The following PJA2 variants were observed in gnomAD, a reference collection of about 807,000 sequenced individuals.
The protein encoded by PJA2 is praja ring finger ubiquitin ligase 2.
A neutral mutation model predicts 69.3 loss-of-function variants in PJA2; 25 were observed. The ratio of observed to expected loss-of-function variants is 0.36; its 90% CI spans 0.26 to 0.50. The LOEUF is 0.50. Among genes scored for constraint, PJA2 ranks in the 20% least tolerant of loss-of-function variants. The pLI is 0.96. For missense variants in PJA2, 809 were observed against 830.2 expected, an observed-to-expected ratio of 0.97 and a Z score of 0.31; for synonymous variants, 308 against 277.8, an observed-to-expected ratio of 1.11 and a Z score of -1.08.
At chr5:109,409,387 T>C (rs533021805) in intron 1 of PJA2, 3 of 152,598 alleles carry the variant, frequency 2.0e-5, no homozygotes, top group South Asian at 2.1e-4. Context: ...TGGCGTAAGA[T>C]GGTTCCGCTC....
intron 1 of PJA2, among the ~76,000 whole-genome samples, chr5:109,387,780 C>T (rs1747191868): frequency 2.0e-5 from 3 of 151,890 alleles, no homozygotes; most frequent in Admixed American, 2.0e-4. Flanking sequence ...AGAACATGGA[C>T]ATGTAAGGTA....
chr5:109,368,574 A>G lies in PJA2; in HGVS notation c.1456T>C (p.Ser486Pro), dbSNP rs768668980. ...TGTTGAACATACCCTTCCTGAAGAG[A>G]TAATTCTTGGTTTTCTTCTTCAGGG... Reference protein sequence around the residue: ...SGPEEENQELSLQEGEQTSLE... With the variant: ...SGPEEENQELPLQEGEQTSLE... The change falls in exon 5 of 10, where the codon TCT becomes CCT. Residue 486 changes from serine to proline, a missense_variant. Ser to Pro is a moderately conservative substitution (Grantham distance 74). Coordinates refer to ENST00000361189, the MANE Select transcript of PJA2 (RefSeq NM_014819.5). The G allele has an allele frequency of 3.7e-6, 6 of 1,613,442 alleles. No individual in the cohort carries two copies. The highest frequency in any genetic ancestry group is 2.2e-5 in the East Asian group (1 of 44,866).
At chr5:109,372,645 C>T (rs1189846547) in intron 4 of PJA2, among the ~76,000 whole-genome samples, 1 of 152,026 alleles carries the variant, frequency 6.6e-6, no homozygotes, top group East Asian at 1.9e-4. Context: ...GTGGCTCATG[C>T]CTGTAATCCC....
chr5:109,363,851 G>GA (rs933974689), intron 5 of PJA2, among the ~76,000 whole-genome samples: 13 of 151,892 alleles, frequency 8.6e-5, no homozygotes, highest in African/African-American at 3.1e-4. Flanking sequence ...AAAACAGGAA[G>GA]AAAAAAAAGG....
intron 9 of PJA2, among the ~76,000 whole-genome samples, chr5:109,338,649 A>T (rs1482175716): frequency 5.3e-5 from 8 of 152,026 alleles, no homozygotes; most frequent in Admixed American, 5.2e-4. Flanking sequence ...AAAAAAAAAA[A>T]AAAAAAAAAA....
At chr5:109,396,825 C>A in intron 1 of PJA2, among the ~76,000 whole-genome samples, 1 of 148,436 alleles carries the variant, frequency 6.7e-6, no homozygotes, top group African/African-American at 2.5e-5. Context: ...ATAACCGATA[C>A]CAATGAAACT....
chr5:109,405,931 AAAC>A (rs1442742647), intron 1 of PJA2, among the ~76,000 whole-genome samples: 2 of 152,176 alleles, frequency 1.3e-5, no homozygotes, highest in East Asian at 3.8e-4. Context: ...AATAAAAAAA[AAAC>A]AAGCTTCAGA....
intron 9 of PJA2, among the ~76,000 whole-genome samples, chr5:109,340,411 G>C (rs1012657609): frequency 6.6e-6 from 1 of 151,570 alleles, no homozygotes; most frequent in Non-Finnish European, 1.5e-5. Flanking sequence ...GGAAAGGAAT[G>C]GGAAAAGGGA....
intron 7 of PJA2, among the ~76,000 whole-genome samples, chr5:109,349,761 T>C (rs184209943): frequency 6.6e-6 from 1 of 152,188 alleles, no homozygotes; most frequent in Admixed American, 6.5e-5. Context: ...CTGCTCCTTA[T>C]ATGCGCTTTT....
chr5:109,379,315 A>G (rs1042613440), intron 3 of PJA2, 61 bp from the exon 4 acceptor site: 21 of 1,183,038 alleles, frequency 1.8e-5, no homozygotes, highest in Non-Finnish European at 2.4e-5. Flanking sequence ...ATTTTATGTA[A>G]TAACTATCAC....
chr5:109,337,165 A>G lies in PJA2; in HGVS notation c.*66T>C, dbSNP rs1761960892. On this transcript the variant is annotated 3_prime_UTR_variant, in exon 10 of 10. Coordinates refer to ENST00000361189, the MANE Select transcript of PJA2 (RefSeq NM_014819.5). ...AATATATTTATATATAATTATTTGCACATGAAATTTAGAAGGAATTTGCAG... is the reference window on the plus strand; with the variant it reads ...AATATATTTATATATAATTATTTGCGCATGAAATTTAGAAGGAATTTGCAG... 2 of 1,457,454 alleles carry G rather than the reference A, an allele frequency of 1.4e-6. No homozygotes were observed. The highest frequency in any genetic ancestry group is 2.0e-5 in the Admixed American group (1 of 50,698). 90.3% of individuals were successfully genotyped at this position (1,457,454 alleles called of 1,614,324 possible). A position where few individuals can be genotyped will look rare whatever the true frequency, so the allele number is the denominator to read the frequency against.
chr5:109,367,797 A>G (rs1014896310), intron 5 of PJA2, among the ~76,000 whole-genome samples: 1 of 152,230 alleles, frequency 6.6e-6, no homozygotes, highest in African/African-American at 2.4e-5. Flanking sequence ...AGCAAATCTA[A>G]TTATAGAACA....
At chr5:109,390,461 T>C (rs1012156429) in intron 1 of PJA2, among the ~76,000 whole-genome samples, 1 of 152,182 alleles carries the variant, frequency 6.6e-6, no homozygotes, top group East Asian at 1.9e-4. Flanking sequence ...TACCTGTGCC[T>C]TTACTTGTAA....
chr5:109,388,016 C>A (rs995258316), intron 1 of PJA2, among the ~76,000 whole-genome samples: 1 of 152,148 alleles, frequency 6.6e-6, no homozygotes, highest in Non-Finnish European at 1.5e-5. Context: ...TTCATTTAGG[C>A]AAGTTAATAA....
chr5:109,385,976 T>C (rs1747146682), intron 1 of PJA2, among the ~76,000 whole-genome samples: 1 of 152,164 alleles, frequency 6.6e-6, no homozygotes, highest in Admixed American at 6.6e-5. Flanking sequence ...TAAGTACTGA[T>C]GTGTGGAATG....
chr5:109,408,795 A>G (rs1404553568), intron 1 of PJA2, among the ~76,000 whole-genome samples: 1 of 152,280 alleles, frequency 6.6e-6, no homozygotes, highest in Non-Finnish European at 1.5e-5. Flanking sequence ...ACAACACTGA[A>G]AAATACAGTT....
intron 6 of PJA2, among the ~76,000 whole-genome samples, chr5:109,362,497 TATTC>T (rs1173666910): frequency 2.0e-5 from 3 of 152,218 alleles, no homozygotes; most frequent in African/African-American, 7.2e-5. Context: ...ATTGAAGTGG[TATTC>T]ATTAAGAAGC....
intron 6 of PJA2, among the ~76,000 whole-genome samples, chr5:109,356,383 G>A (rs1161157719): frequency 6.6e-6 from 1 of 152,178 alleles, no homozygotes; most frequent in African/African-American, 2.4e-5. Flanking sequence ...ATGTGCCAAT[G>A]AGTATTTCCT....
At position 109,379,260 on chromosome 5, in the gene PJA2, T is replaced by C. The variant is rs751727276; in HGVS notation, c.233-6A>G. On this transcript the variant is annotated splice_polypyrimidine_tract_variant and splice_region_variant and intron_variant, in intron 3 of 9. Coordinates refer to ENST00000361189, the MANE Select transcript of PJA2 (RefSeq NM_014819.5). ...TTGATCCAAAGGACTGGAACCTTCA[T>C]AAAAAACAAAAGAAAACATATTTTA... 12 of 1,563,302 alleles carry C rather than the reference T, an allele frequency of 7.7e-6. No homozygotes were observed. Among genetic ancestry groups the C allele is most frequent in the South Asian group, 2.4e-5 (2 of 84,330 alleles).
Sources: gnomAD v4.1 joint callset for allele counts (sites outside exome capture counted in the v4.1 genomes callset) on GRCh38, gnomAD v4.1.1 for gene constraint, MANE v1.5 for transcripts, NCBI Gene and HGNC (gene_info 2026-07-23, HGNC 2026-07-21) for gene names.